CANX: variants seen among roughly 807,000 people sequenced by gnomAD.
CANX encodes epididymis secretory sperm binding protein.
CANX carries 14 observed loss-of-function variants against 75.7 expected under a neutral mutation model. The ratio of observed to expected loss-of-function variants is 0.19; its 90% confidence interval spans 0.12 to 0.29. The LOEUF (loss-of-function observed/expected upper bound fraction) is 0.29, where lower values mean the gene tolerates loss of function less well. Ranked by LOEUF, CANX falls within the 10% of genes least tolerant of loss-of-function variation. The pLI, the probability that CANX is intolerant of heterozygous loss-of-function variation, is 1.00. For synonymous variants in CANX, 227 were observed against 236.9 expected, an observed-to-expected ratio of 0.96 and a Z score of 0.38; for missense variants, 567 against 713.2, an observed-to-expected ratio of 0.79 and a Z score of 2.34.
chr5:179,708,204 G>C lies in CANX; in HGVS notation c.305-35G>C, dbSNP rs187868031. On this transcript the variant is annotated intron_variant, in intron 4 of 14. Coordinates refer to ENST00000247461, the MANE Select transcript of CANX (RefSeq NM_001746.4). ...CATTTAAAGGACCTTCAGAGGTAGA[G>C]TTAAGCAGTGGAACTTTTTTGTGTT... is the stretch of plus-strand genomic sequence containing the variant. 208 of 1,602,252 alleles carry C rather than the reference G, an allele frequency of 1.3e-4. No homozygotes were observed. In the African/African-American group the frequency reaches 2.4e-3, roughly 19 times the overall value.
At chr5:179,697,283 T>C (rs1776429571), upstream of CANX, among the ~76,000 whole-genome samples, 1 of 152,090 alleles carries the variant, frequency 6.6e-6, no homozygotes, top group South Asian at 2.1e-4. Context: ...AGGCTAGTCT[T>C]GAACTCCTGG....
intron 1 of CANX, among the ~76,000 whole-genome samples, chr5:179,681,361 G>A (rs748677797): frequency 2.6e-5 from 4 of 152,296 alleles, no homozygotes; most frequent in Middle Eastern, 3.4e-3. Flanking sequence ...CGTGTCATGG[G>A]TCAGGTTCCC....
chr5:179,729,381 T>A lies in CANX; in HGVS notation c.*737T>A, dbSNP rs1242908382. The A allele has an allele frequency of 6.5e-6, 1 of 153,422 alleles. No homozygotes were observed. The highest frequency in any genetic ancestry group is 2.1e-4 in the South Asian group (1 of 4,848). The allele number at this position is 153,422 out of a possible 1,614,324, so 9.5% of individuals were successfully genotyped here. ...GGAGGAGGTGGCTTCATGTGGCACT[T>A]GGGCATTTATATTCCACTTGGGAGG... is the stretch of plus-strand genomic sequence containing the variant. On this transcript the variant is annotated 3_prime_UTR_variant, in exon 15 of 15. Coordinates refer to ENST00000247461, the MANE Select transcript of CANX (RefSeq NM_001746.4).
intron 1 of CANX, among the ~76,000 whole-genome samples, chr5:179,686,596 G>A (rs1372830896): frequency 6.6e-6 from 1 of 151,934 alleles, no homozygotes; most frequent in Admixed American, 6.6e-5. Flanking sequence ...CCATGTAGCT[G>A]GGACTGCAGG....
intron 8 of CANX, among the ~76,000 whole-genome samples, chr5:179,719,354 A>G (rs1778163566): frequency 6.6e-6 from 1 of 152,194 alleles, no homozygotes; most frequent in South Asian, 2.1e-4. Context: ...ATGGCTAATG[A>G]TGTTAAGCAT....
chr5:179,695,072 C>A (rs879581604), upstream of CANX, among the ~76,000 whole-genome samples: 1 of 85,578 alleles, frequency 1.2e-5, no homozygotes, highest in Non-Finnish European at 3.3e-5. Flanking sequence ...ATTTTTGAGA[C>A]GGAATCTTGC....
chr5:179,709,496 G>T (rs902306243), intron 6 of CANX, among the ~76,000 whole-genome samples: 2 of 152,118 alleles, frequency 1.3e-5, no homozygotes, highest in Non-Finnish European at 2.9e-5. Context: ...GATGAGTTGG[G>T]AAAATTGACT....
chr5:179,702,550 T>C (rs1358459407), intron 1 of CANX, among the ~76,000 whole-genome samples: 1 of 152,178 alleles, frequency 6.6e-6, no homozygotes, highest in Non-Finnish European at 1.5e-5. Flanking sequence ...TGAATAGTAT[T>C]CCATTGTATG....
chr5:179,706,248 T>C lies in CANX; in HGVS notation c.172-10T>C, dbSNP rs113585621. The C allele has an allele frequency of 3.7e-3, 5,468 of 1,482,020 alleles. 144 individuals carry two copies. In the African/African-American group the frequency reaches 0.058, roughly 16 times the overall value. The allele number at this position is 1,482,020 out of a possible 1,614,324, so 91.8% of individuals were successfully genotyped here. ...TTTAAATTTTTAATTCATTTATGTA[T>C]TTAACACAGGTTACTTACAAAGCTC... On this transcript the variant is annotated splice_polypyrimidine_tract_variant and intron_variant, in intron 2 of 14. Transcript: ENST00000247461.
intron 1 of CANX, among the ~76,000 whole-genome samples, chr5:179,701,728 C>A (rs1776772829): frequency 8.7e-6 from 1 of 115,326 alleles, no homozygotes; most frequent in Non-Finnish European, 1.8e-5. Flanking sequence ...GTTACTCCAA[C>A]AGATGTACTT....
In CANX at chr5:179,730,842, A is replaced by G. The variant is rs747469601; in HGVS notation, c.*2198A>G. 6.6e-6 allele frequency: 1 copy of G among 152,150 alleles called. No homozygotes were observed. Among genetic ancestry groups the G allele is most frequent in the Non-Finnish European group, 1.5e-5 (1 of 68,016 alleles). 9.4% of individuals were successfully genotyped at this position (152,150 alleles called of 1,614,324 possible). A position where few individuals can be genotyped will look rare whatever the true frequency, so the allele number is the denominator to read the frequency against. On this transcript the variant is annotated 3_prime_UTR_variant, in exon 15 of 15. Transcript: ENST00000247461. Reference sequence around the variant, plus strand: ...CACTCTCCATCAGATGTGTTCCTCCATTTTCTTATCCACAAAGTACTCCTC... The same window carrying G: ...CACTCTCCATCAGATGTGTTCCTCCGTTTTCTTATCCACAAAGTACTCCTC...
chr5:179,710,548 A>G (rs1777474342), intron 7 of CANX, among the ~76,000 whole-genome samples: 1 of 150,138 alleles, frequency 6.7e-6, no homozygotes, highest in South Asian at 2.1e-4. Flanking sequence ...TCTACTAAAA[A>G]TACAAAAATA....
At chr5:179,700,480 A>G (rs1373403950) in intron 1 of CANX, 1 of 152,242 alleles carries the variant, frequency 6.6e-6, no homozygotes, top group Non-Finnish European at 1.5e-5. Context: ...AGCAGAGGTA[A>G]AGGACTATGT....
At chr5:179,728,233 A>G (rs900541599) in intron 14 of CANX, among the ~76,000 whole-genome samples, 1 of 152,220 alleles carries the variant, frequency 6.6e-6, no homozygotes, top group African/African-American at 2.4e-5. Context: ...TTCCATCTTC[A>G]TGAATCCTTG....
At chr5:179,687,396 C>T (rs1306298288) in intron 1 of CANX, among the ~76,000 whole-genome samples, 2 of 152,226 alleles carry the variant, frequency 1.3e-5, no homozygotes, top group African/African-American at 4.8e-5. Flanking sequence ...AGCCACCGCG[C>T]CCGGCCTGTG....
At chr5:179,714,301 A>T (rs1166606734) in intron 7 of CANX, among the ~76,000 whole-genome samples, 4 of 151,872 alleles carry the variant, frequency 2.6e-5, no homozygotes, top group Non-Finnish European at 4.4e-5. Flanking sequence ...GGGCCCGTCC[A>T]ATGACTGTGA....
At chr5:179,701,673 C>T (rs1202280582) in intron 1 of CANX, among the ~76,000 whole-genome samples, 3 of 145,016 alleles carry the variant, frequency 2.1e-5, no homozygotes, top group Non-Finnish European at 4.5e-5. Context: ...AAAACCTATA[C>T]AGCTTTTGGT....
chr5:179,694,750 TGAG>T (rs529555856), upstream of CANX: 132 of 639,542 alleles, frequency 2.1e-4, no homozygotes, highest in African/African-American at 2.0e-3. Context: ...GAGGAGGAGA[TGAG>T]GAGGAGGATG....
intron 9 of CANX, 102 bp downstream of exon 9, chr5:179,719,883 G>T (rs995834056): frequency 3.0e-6 from 2 of 660,660 alleles, no homozygotes; most frequent in Admixed American, 2.7e-5. Context: ...GTTCAGTGGC[G>T]CAGTTTCGGC....
Sources: allele counts gnomAD v4.1 joint callset (sites outside exome capture counted in the v4.1 genomes callset), GRCh38; gene constraint gnomAD v4.1.1; transcripts MANE v1.5; gene names NCBI Gene and HGNC (gene_info 2026-07-23, HGNC 2026-07-21).